Variants in RBMS3 observed in about 807,000 individuals in gnomAD.
RBMS3 encodes the protein RNA-binding motif, single-stranded-interacting protein 3.
A neutral mutation model predicts 66.8 loss-of-function variants in RBMS3; 27 were observed. The observed-to-expected ratio is 0.40, with a 90% CI of 0.30 to 0.56. The LOEUF (loss-of-function observed/expected upper bound fraction) is 0.56. Among genes scored for constraint, RBMS3 ranks in the 20% least tolerant of loss-of-function variants. RBMS3 has a pLI of 0.40. For missense variants in RBMS3, 513 were observed against 549.5 expected (o/e 0.93, Z 0.66); for synonymous variants, 188 against 183.0 (o/e 1.03, Z -0.22).
At chr3:29,730,723 G>A (rs113268147) in intron 4 of RBMS3, 270 of 342,978 alleles carry the variant, frequency 7.9e-4, no homozygotes, top group South Asian at 1.2e-3. Flanking sequence ...TCTGAGATTT[G>A]TTTACAATAT....
chr3:29,939,863 A>G (rs892089203), intron 11 of RBMS3, among the ~76,000 whole-genome samples: 1 of 151,818 alleles, frequency 6.6e-6, no homozygotes, highest in Admixed American at 6.6e-5. Context: ...ACTACTTGCT[A>G]CATATCTCCA....
At chr3:29,743,431 C>T (rs1477140907) in intron 5 of RBMS3, among the ~76,000 whole-genome samples, 2 of 152,164 alleles carry the variant, frequency 1.3e-5, no homozygotes, top group Non-Finnish European at 2.9e-5. Flanking sequence ...GACAGTGGTT[C>T]TCAAAGTGTG....
At chr3:29,419,095 T>C (rs2040596134) in intron 1 of RBMS3, among the ~76,000 whole-genome samples, 1 of 152,148 alleles carries the variant, frequency 6.6e-6, no homozygotes, top group South Asian at 2.1e-4. Flanking sequence ...TGGATGCAGG[T>C]GCCATTTTTT....
intron 12 of RBMS3, among the ~76,000 whole-genome samples, chr3:29,964,424 T>A (rs1171253405): frequency 2.0e-5 from 3 of 152,210 alleles, no homozygotes; most frequent in African/African-American, 7.2e-5. Flanking sequence ...TCTAGTGGCA[T>A]GTGCAGGATA....
At chr3:29,781,098 A>G (rs1410915099) in intron 6 of RBMS3, among the ~76,000 whole-genome samples, 1 of 149,606 alleles carries the variant, frequency 6.7e-6, no homozygotes, top group African/African-American at 2.5e-5. Flanking sequence ...TATGTCTCCT[A>G]ATGCTATCCC....
chr3:29,787,972 C>A (rs930030807), intron 6 of RBMS3, among the ~76,000 whole-genome samples: 6 of 151,950 alleles, frequency 3.9e-5, no homozygotes, highest in Non-Finnish European at 8.8e-5. Flanking sequence ...GTAATATGTG[C>A]AGTTATTTAA....
chr3:29,415,669 C>T (rs2040448829), intron 1 of RBMS3, among the ~76,000 whole-genome samples: 1 of 152,098 alleles, frequency 6.6e-6, no homozygotes, highest in African/African-American at 2.4e-5. Flanking sequence ...GTGAAGTGCT[C>T]TGAATAGAAA....
rs189236548 is a variant in RBMS3 at position 29,442,108 on chromosome 3, T to A, written c.248+7193T>A. ...TATATAATTTCCAAAAGTCAAACAT[T>A]TATTCAACATTCTACTTTTTAATAA... On this transcript the variant is annotated intron_variant, in intron 2 of 14. Coordinates refer to ENST00000383767, the MANE Select transcript of RBMS3 (RefSeq NM_001003793.3). Among the ~76,000 whole-genome samples the A allele has an allele frequency of 3.6e-4, 55 of 152,298 alleles. 1 individual carries two copies. Among genetic ancestry groups the A allele is most frequent in the Admixed American group, 1.8e-3 (28 of 15,302 alleles).
At chr3:29,995,147 G>T (rs1699134363) in intron 14 of RBMS3, among the ~76,000 whole-genome samples, 1 of 152,326 alleles carries the variant, frequency 6.6e-6, no homozygotes, top group East Asian at 1.9e-4. Flanking sequence ...AGGAGCCGAT[G>T]CGATCAACTG....
At chr3:29,961,072 G>A (rs540802988) in intron 12 of RBMS3, among the ~76,000 whole-genome samples, 1 of 152,188 alleles carries the variant, frequency 6.6e-6, no homozygotes, top group Non-Finnish European at 1.5e-5. Flanking sequence ...TTGTCAAGAT[G>A]CAAATTTTCC....
chr3:29,739,990 A>C, intron 5 of RBMS3, 113 bp downstream of exon 5: 1 of 871,552 alleles, frequency 1.1e-6, no homozygotes, highest in East Asian at 2.9e-5. Flanking sequence ...AAAAAAAAAA[A>C]TTAAAAGTAG....
chr3:29,287,867 G>A (rs1186436575), intron 1 of RBMS3, among the ~76,000 whole-genome samples: 2 of 151,960 alleles, frequency 1.3e-5, no homozygotes, highest in Non-Finnish European at 2.9e-5. Context: ...AAAAGAAAAA[G>A]AGAGTGGCAG....
At chr3:29,419,495 A>G (rs1368998829) in intron 1 of RBMS3, among the ~76,000 whole-genome samples, 1 of 152,138 alleles carries the variant, frequency 6.6e-6, no homozygotes, top group Admixed American at 6.6e-5. Flanking sequence ...ATTATCATAA[A>G]TTTTCTCTAA....
At chr3:29,694,803 A>G (rs577754015) in intron 4 of RBMS3, among the ~76,000 whole-genome samples, 42 of 152,014 alleles carry the variant, frequency 2.8e-4, no homozygotes, top group Non-Finnish European at 4.4e-5. Context: ...CCCATCTCCC[A>G]CCCCAGCCCC....
chr3:29,383,567 G>A (rs933061045), intron 1 of RBMS3, among the ~76,000 whole-genome samples: 3 of 152,210 alleles, frequency 2.0e-5, no homozygotes, highest in African/African-American at 7.2e-5. Flanking sequence ...ACTGTTGTAT[G>A]TGGATGTACA....
chr3:29,317,198 A>C (rs566636458), intron 1 of RBMS3, among the ~76,000 whole-genome samples: 1 of 151,810 alleles, frequency 6.6e-6, no homozygotes, highest in African/African-American at 2.4e-5. Flanking sequence ...AGGAAGCTTT[A>C]TGTGGGTTGT....
intron 3 of RBMS3, among the ~76,000 whole-genome samples, chr3:29,523,908 A>AT (rs1240530931): frequency 9.9e-5 from 15 of 151,054 alleles, no homozygotes; most frequent in Admixed American, 3.3e-4. Flanking sequence ...CTAATTTTAA[A>AT]TTTTTTTTTG....
intron 6 of RBMS3, among the ~76,000 whole-genome samples, chr3:29,778,602 G>A (rs1187077401): frequency 6.6e-6 from 1 of 151,736 alleles, no homozygotes; most frequent in Non-Finnish European, 1.5e-5. Flanking sequence ...TTGCTTTGAT[G>A]CATACATACT....
intron 3 of RBMS3, among the ~76,000 whole-genome samples, chr3:29,518,361 T>G (rs567578737): frequency 6.6e-6 from 1 of 152,304 alleles, no homozygotes; most frequent in Admixed American, 6.5e-5. Context: ...TGGCATTGGG[T>G]ACAAAACTAA....
Sources: allele counts gnomAD v4.1 joint callset (sites outside exome capture counted in the v4.1 genomes callset), GRCh38; gene constraint gnomAD v4.1.1; transcripts MANE v1.5; gene names NCBI Gene and HGNC (gene_info 2026-07-23, HGNC 2026-07-21).